PAM: variants seen among roughly 807,000 people sequenced by gnomAD.
PAM encodes the protein peptidylglycine alpha-amidating monooxygenase.
PAM carries 72 observed loss-of-function variants against 122.1 expected under a neutral mutation model. That is an observed-to-expected ratio of 0.59 (90% CI 0.49 to 0.72). The LOEUF is 0.72. PAM is among the 30% of genes least tolerant of loss of function. The pLI, the probability that PAM is intolerant of heterozygous loss-of-function variation, is 0.00. For synonymous variants in PAM, 389 were observed against 404.4 expected (o/e 0.96, Z 0.46); for missense variants, 1,106 against 1,183.7 (o/e 0.93, Z 0.96).
intron 1 of PAM, among the ~76,000 whole-genome samples, chr5:102,810,343 T>C (rs912058181): frequency 6.6e-6 from 1 of 152,202 alleles, no homozygotes; most frequent in African/African-American, 2.4e-5. Context: ...CCAAGTAGTT[T>C]TAGGCAGTGA....
intron 1 of PAM, among the ~76,000 whole-genome samples, chr5:102,796,765 A>C (rs1184704666): frequency 6.6e-6 from 1 of 152,134 alleles, no homozygotes; most frequent in Non-Finnish European, 1.5e-5. Context: ...CTATCTGTGT[A>C]ACTATGAGCA....
At chr5:102,879,751 G>A (rs1443286614) in intron 3 of PAM, among the ~76,000 whole-genome samples, 1 of 152,148 alleles carries the variant, frequency 6.6e-6, no homozygotes, top group Non-Finnish European at 1.5e-5. Flanking sequence ...TATTAGCAAT[G>A]CGAGAATGGT....
chr5:103,020,687 G>T (rs1783307182), intron 23 of PAM, among the ~76,000 whole-genome samples: 2 of 152,048 alleles, frequency 1.3e-5, no homozygotes, highest in South Asian at 4.1e-4. Flanking sequence ...ATTATTAGTT[G>T]CTTTACAAAT....
intron 5 of PAM, among the ~76,000 whole-genome samples, chr5:102,922,363 T>A: frequency 6.6e-6 from 1 of 151,770 alleles, no homozygotes; most frequent in African/African-American, 2.4e-5. Context: ...TGAATAAAAG[T>A]TTTTCAGGCA....
At chr5:102,931,151 C>T (rs1751367859) in intron 7 of PAM, among the ~76,000 whole-genome samples, 1 of 152,128 alleles carries the variant, frequency 6.6e-6, no homozygotes, top group African/African-American at 2.4e-5. Flanking sequence ...GATAAATTTC[C>T]CTAAATACAA....
chr5:102,802,248 T>C (rs2150103823), intron 1 of PAM, among the ~76,000 whole-genome samples: 1 of 152,328 alleles, frequency 6.6e-6, no homozygotes, highest in South Asian at 2.1e-4. Flanking sequence ...GGTATTAGAG[T>C]AAGCCATCAT....
intron 1 of PAM, among the ~76,000 whole-genome samples, chr5:102,773,288 A>C (rs1756291498): frequency 6.6e-6 from 1 of 152,150 alleles, no homozygotes; most frequent in Non-Finnish European, 1.5e-5. Context: ...TGCTATTTAC[A>C]GTGCAGTGAC....
intron 1 of PAM, among the ~76,000 whole-genome samples, chr5:102,780,697 T>C (rs1758510093): frequency 6.6e-6 from 1 of 152,206 alleles, no homozygotes; most frequent in South Asian, 2.1e-4. Context: ...CTGCATCCCA[T>C]GAAAAATCAT....
intron 1 of PAM, among the ~76,000 whole-genome samples, chr5:102,854,549 A>G (rs1330008992): frequency 6.6e-6 from 1 of 152,258 alleles, no homozygotes; most frequent in East Asian, 1.9e-4. Flanking sequence ...TACTCCTGGA[A>G]GTCCACCTCG....
chr5:102,826,359 A>T (rs1236568310), intron 1 of PAM, among the ~76,000 whole-genome samples: 5 of 152,212 alleles, frequency 3.3e-5, no homozygotes, highest in South Asian at 2.1e-4. Flanking sequence ...AAGGGACTTG[A>T]GTAGAAATGG....
intron 1 of PAM, among the ~76,000 whole-genome samples, chr5:102,793,038 A>G (rs976788608): frequency 1.1e-4 from 17 of 152,312 alleles, no homozygotes; most frequent in Middle Eastern, 6.8e-3. Context: ...TGGGCCTCAT[A>G]GGAGCACAAC....
intron 3 of PAM, among the ~76,000 whole-genome samples, chr5:102,891,706 G>A (rs1279245097): frequency 1.3e-5 from 2 of 151,786 alleles, no homozygotes; most frequent in East Asian, 1.9e-4. Flanking sequence ...CTGGGAATGG[G>A]CATTTTATCA....
At chr5:102,900,314 A>T (rs1797439342) in intron 3 of PAM, among the ~76,000 whole-genome samples, 1 of 151,350 alleles carries the variant, frequency 6.6e-6, no homozygotes, top group East Asian at 2.0e-4. Flanking sequence ...TTAGCAAAAT[A>T]AAGTTGAATC....
intron 3 of PAM, among the ~76,000 whole-genome samples, chr5:102,881,893 C>T (rs1478973269): frequency 7.0e-6 from 1 of 143,546 alleles, no homozygotes; most frequent in African/African-American, 2.9e-5. Context: ...GCCTTTGCAT[C>T]CTCATAGCTT....
intron 1 of PAM, among the ~76,000 whole-genome samples, chr5:102,806,225 GTTGT>G (rs1766190068): frequency 1.3e-5 from 2 of 152,108 alleles, no homozygotes; most frequent in African/African-American, 4.8e-5. Flanking sequence ...CCTCTTAAGA[GTTGT>G]TTGAAACAAC....
intron 1 of PAM, among the ~76,000 whole-genome samples, chr5:102,792,973 T>C (rs1216122350): frequency 6.6e-6 from 1 of 152,132 alleles, no homozygotes; most frequent in Non-Finnish European, 1.5e-5. Flanking sequence ...TTGGAATAAT[T>C]TTTTCATTCC....
chr5:102,886,255 G>C (rs747756369), intron 3 of PAM, among the ~76,000 whole-genome samples: 7 of 151,972 alleles, frequency 4.6e-5, no homozygotes, highest in Non-Finnish European at 8.8e-5. Context: ...CATTGTGGAA[G>C]TCAGTTCCAG....
chr5:102,999,265 G>T (rs1181501179), intron 16 of PAM, among the ~76,000 whole-genome samples: 4 of 152,168 alleles, frequency 2.6e-5, no homozygotes. Flanking sequence ...GCTCCAAAAT[G>T]ATATCCTTTG....
intron 7 of PAM, among the ~76,000 whole-genome samples, chr5:102,944,250 A>G (rs1756234501): frequency 6.6e-6 from 1 of 152,052 alleles, no homozygotes; most frequent in African/African-American, 2.4e-5. Context: ...CCCTTACACT[A>G]AAATTATTTT....
Sources: gnomAD v4.1 joint callset for allele counts (sites outside exome capture counted in the v4.1 genomes callset) on GRCh38, gnomAD v4.1.1 for gene constraint, MANE v1.5 for transcripts, NCBI Gene and HGNC (gene_info 2026-07-23, HGNC 2026-07-21) for gene names.